The following CLDN19 variants were observed in gnomAD, a reference collection of about 807,000 sequenced individuals.
The protein encoded by CLDN19 is claudin 19, also known as claudin-19.
A neutral mutation model predicts 24.5 loss-of-function variants in CLDN19; 19 were observed. The observed-to-expected ratio is 0.78, with a 90% CI of 0.54 to 1.14. CLDN19 has a LOEUF of 1.14. CLDN19 is among the 50% of genes most tolerant of loss of function. The pLI is 0.00. For synonymous variants in CLDN19, 117 were observed against 129.6 expected (o/e 0.90, Z 0.66); for missense variants, 250 against 295.9 (o/e 0.84, Z 1.14).
intron 3 of CLDN19, among the ~76,000 whole-genome samples, chr1:42,737,279 C>T (rs766378196): frequency 5.3e-5 from 8 of 152,190 alleles, no homozygotes; most frequent in Non-Finnish European, 8.8e-5. Context: ...TTGGGACAGC[C>T]GCCTTCCTGG....
chr1:42,736,236 C>T (rs757199151), intron 3 of CLDN19, among the ~76,000 whole-genome samples: 51 of 152,168 alleles, frequency 3.4e-4, no homozygotes, highest in African/African-American at 8.4e-4. Context: ...CAGGGTGACC[C>T]GGCCTGGGGT....
chr1:42,735,832 G>A, intron 4 of CLDN19, 46 bp downstream of exon 4: 2 of 1,556,618 alleles, frequency 1.3e-6, no homozygotes, highest in Non-Finnish European at 1.7e-6. Context: ...GGGCAAGGGG[G>A]CCACTGGGTG....
At chr1:42,735,852 C>A in intron 4 of CLDN19, 26 bp downstream of exon 4, 1 of 1,565,568 alleles carries the variant, frequency 6.4e-7, no homozygotes, top group Non-Finnish European at 8.7e-7. Context: ...GGGGGGCTGG[C>A]CAGGGCAGGC....
Position 42,734,011 on chromosome 1 carries a change from T to TG in CLDN19, c.*1074dup, listed in dbSNP as rs1243631825. 1 of 152,310 alleles carries TG rather than the reference T, an allele frequency of 6.6e-6. No homozygotes were observed. The highest frequency in any genetic ancestry group is 1.5e-5 in the Non-Finnish European group (1 of 68,172). The allele number at this position is 152,310 out of a possible 1,614,324, so 9.4% of individuals were successfully genotyped here. On this transcript the variant is annotated 3_prime_UTR_variant, in exon 5 of 5. Coordinates refer to ENST00000296387, the MANE Select transcript of CLDN19 (RefSeq NM_148960.3). ...CCAGAATGGAGCTGGCCAAGGAAGG[T>TG]GCGTGGCAGGGAAGGGGAGGTTCTG...
Position 42,738,248 on chromosome 1 carries a change from T to C in CLDN19, c.454A>G (p.Ser152Gly), listed in dbSNP as rs1242843559. ...ACCCACCTGGCATTGACAGGTGTGC[T>C]TGGGTTGAAGAACTCCTGGGTCACC... ...TLVTQEFFNP[S>G]TPVNARYEFG... The change falls in exon 3 of 5, where the codon AGC (serine) becomes GGC (glycine). Residue 152 changes from serine (S) to glycine (G), a missense_variant. Transcript: ENST00000296387. 4 of 1,613,752 alleles carry C rather than the reference T, an allele frequency of 2.5e-6. No individual in the cohort carries two copies. Among genetic ancestry groups the C allele is most frequent in the Non-Finnish European group, 3.4e-6 (4 of 1,179,978 alleles).
At chr1:42,739,314 C>T (rs778123331) in intron 1 of CLDN19, among the ~76,000 whole-genome samples, 5 of 152,182 alleles carry the variant, frequency 3.3e-5, no homozygotes, top group Non-Finnish European at 5.9e-5. Context: ...ATCTCCACAC[C>T]CCAGAAGGAG....
At chr1:42,736,507 G>C (rs4660659) in intron 3 of CLDN19, among the ~76,000 whole-genome samples, 17,166 of 152,052 alleles carry the variant, frequency 0.11, 1,091 homozygotes, top group East Asian at 0.24. Flanking sequence ...CTGCTGGCCA[G>C]GCCAGCCCTG....
chr1:42,735,906 G>T lies in CLDN19; in HGVS notation c.598C>A (p.Arg200=). 1 of 1,580,628 alleles carries T rather than the reference G, an allele frequency of 6.3e-7. No individual in the cohort carries two copies. Among genetic ancestry groups the T allele is most frequent in the Non-Finnish European group, 8.6e-7 (1 of 1,163,092 alleles). Residue 200 remains arginine, a synonymous_variant, in exon 4 of 5, where the codon CGG becomes AGG. Transcript: ENST00000296387. ...CGGGCAGCAGCAGAGGGTCCAGGCC[G>T]ATAGGGCTGTGGGCTGCTGTTGGGT... ...ERPNSSPQPY[R]PGPSAAAREP...
chr1:42,734,971 A>G lies in CLDN19; in HGVS notation c.*115T>C. The G allele has an allele frequency of 1.1e-6, 1 of 889,624 alleles. No homozygotes were observed. Among genetic ancestry groups the G allele is most frequent in the East Asian group, 2.6e-5 (1 of 38,248 alleles). 55.1% of individuals were successfully genotyped at this position (889,624 alleles called of 1,614,324 possible). A position where few individuals can be genotyped will look rare whatever the true frequency, so the allele number is the denominator to read the frequency against. On this transcript the variant is annotated 3_prime_UTR_variant, in exon 5 of 5. Coordinates refer to ENST00000296387, the MANE Select transcript of CLDN19 (RefSeq NM_148960.3). ...CACAGGCCCCGTCCAAGCCACGCTG[A>G]GGACAGACCGAATGATACCATGATT...
rs1035678117 is a variant in CLDN19 at position 42,734,930 on chromosome 1, G to T, written c.*156C>A. The T allele has an allele frequency of 1.4e-6, 1 of 690,170 alleles. No homozygotes were observed. The highest frequency in any genetic ancestry group is 2.6e-6 in the Non-Finnish European group (1 of 382,060). 42.8% of individuals were successfully genotyped at this position (690,170 alleles called of 1,614,324 possible). ...TTCTGCCCAAGAGCCCCAGGGGTCA[G>T]CACTGACCACTCTGACACAGGCCCC... is the stretch of plus-strand genomic sequence containing the variant. On this transcript the variant is annotated 3_prime_UTR_variant, in exon 5 of 5. Transcript: ENST00000296387.
rs1222974414 is a variant in CLDN19 at position 42,739,859 on chromosome 1, A to T, written c.205T>A (p.Ser69Thr). ...TGQVQCKLYD[S>T]LLALDGHIQS... ...GGCCTACCGTCCAGGGCGAGCAGCGAGTCGTAGAGCTTGCACTGCACTTGC... is the reference window on the plus strand; with the variant it reads ...GGCCTACCGTCCAGGGCGAGCAGCGTGTCGTAGAGCTTGCACTGCACTTGC... Residue 69 changes from serine to threonine, a missense_variant, in exon 1 of 5, where the codon TCG (serine) becomes ACG (threonine). Transcript: ENST00000296387. 6.2e-7 allele frequency: 1 copy of T among 1,613,094 alleles called. No homozygotes were observed. The highest frequency in any genetic ancestry group is 8.5e-7 in the Non-Finnish European group (1 of 1,179,828).
intron 2 of CLDN19, 45 bp downstream of exon 2, chr1:42,738,376 G>C: frequency 6.2e-7 from 1 of 1,613,570 alleles, no homozygotes; most frequent in Non-Finnish European, 8.5e-7. Flanking sequence ...TGGGGCTGGG[G>C]CTGCCTGCCA....
intron 3 of CLDN19, among the ~76,000 whole-genome samples, chr1:42,737,325 CAGA>C (rs1651403269): frequency 6.6e-6 from 1 of 152,236 alleles, no homozygotes; most frequent in Non-Finnish European, 1.5e-5. Flanking sequence ...ACATCACAGC[CAGA>C]AGGACTGCCG....
intron 1 of CLDN19, among the ~76,000 whole-genome samples, chr1:42,739,515 AC>A (rs1651481691): frequency 6.6e-6 from 1 of 152,192 alleles, no homozygotes; most frequent in African/African-American, 2.4e-5. Context: ...AAGGGTCTTA[AC>A]TGAGTCTTTC....
At chr1:42,736,391 C>T (rs1452472677) in intron 3 of CLDN19, among the ~76,000 whole-genome samples, 3 of 152,148 alleles carry the variant, frequency 2.0e-5, no homozygotes, top group Non-Finnish European at 4.4e-5. Context: ...TGTTTTTTCC[C>T]AGTCACATTC....
intron 1 of CLDN19, 126 bp downstream of exon 1, chr1:42,739,715 G>T: frequency 2.5e-6 from 2 of 814,206 alleles, no homozygotes; most frequent in Non-Finnish European, 4.0e-6. Context: ...GGCAGTAGTG[G>T]GGGAATTGTA....
At chr1:42,736,077 G>T in intron 3 of CLDN19, 47 bp from the exon 4 acceptor site, 1 of 1,299,578 alleles carries the variant, frequency 7.7e-7, no homozygotes, top group Non-Finnish European at 1.1e-6. Context: ...GCCGTCTCAG[G>T]TTGTTCCCAG....
intron 1 of CLDN19, 55 bp downstream of exon 1, chr1:42,739,786 A>G: frequency 6.7e-7 from 1 of 1,488,186 alleles, no homozygotes; most frequent in South Asian, 1.2e-5. Context: ...AACTTGCTCC[A>G]GACTCCCCTG....
At position 42,739,990 on chromosome 1, in the gene CLDN19, G is replaced by A. The variant is rs2124050531; in HGVS notation, c.74C>T (p.Thr25Ile). ...AGACTGCTTCCACTGTGGCAGGGCT[G>A]TGCTAGCAATGATGCCCACCCAGCC... The part of the protein sequence containing the change: ...LGGWVGIIAS[T>I]ALPQWKQSSY... Residue 25 changes from threonine to isoleucine, a missense_variant, in exon 1 of 5, where the codon ACA (threonine) becomes ATA (isoleucine). Thr to Ile is a moderately conservative substitution (Grantham distance 89). Coordinates refer to ENST00000296387, the MANE Select transcript of CLDN19 (RefSeq NM_148960.3). 1.3e-6 allele frequency: 2 copies of A among 1,587,494 alleles called. No individual in the cohort carries two copies. The highest frequency in any genetic ancestry group is 1.7e-6 in the Non-Finnish European group (2 of 1,166,802).
Sources: gnomAD v4.1 joint callset for allele counts (sites outside exome capture counted in the v4.1 genomes callset) on GRCh38, gnomAD v4.1.1 for gene constraint, MANE v1.5 for transcripts, NCBI Gene and HGNC (gene_info 2026-07-23, HGNC 2026-07-21) for gene names.